The following GPC5 variants were observed in gnomAD, a reference collection of about 807,000 sequenced individuals.
GPC5 encodes glypican 5, also known as glypican-5.
Under a neutral mutation model 53.9 loss-of-function variants are expected in GPC5, and 47 were observed. That is an observed-to-expected ratio of 0.87 (90% CI 0.69 to 1.11). The LOEUF is 1.11. Among genes scored for constraint, GPC5 ranks in the 50% most tolerant of loss-of-function variants. The pLI, the probability that GPC5 is intolerant of heterozygous loss-of-function variation, is 0.00. For synonymous variants in GPC5, 286 were observed against 263.3 expected (o/e 1.09, Z -0.84); for missense variants, 748 against 713.1 (o/e 1.05, Z -0.56).
rs926103065 is a variant in GPC5 at position 91,555,710 on chromosome 13, A to T, written c.325+106788A>T. Among the ~76,000 whole-genome samples the T allele has an allele frequency of 5.3e-5, 8 of 152,070 alleles. No homozygotes were observed. The South Asian group carries it at 1.7e-3, about 31-fold the overall frequency. ...AGAGGTTAAATGGACTCATAGTTCC[A>T]TGTGGCTGGGGAGGCCTCACAATCA... On this transcript the variant is annotated intron_variant, in intron 2 of 7. Coordinates refer to ENST00000377067, the MANE Select transcript of GPC5 (RefSeq NM_004466.6).
intron 6 of GPC5, among the ~76,000 whole-genome samples, chr13:92,056,926 A>G (rs1260011824): frequency 6.6e-6 from 1 of 152,212 alleles, no homozygotes; most frequent in Non-Finnish European, 1.5e-5. Context: ...AACCTCAGTT[A>G]CCTAATAGAA....
At chr13:91,466,512 T>C (rs1882249199) in intron 2 of GPC5, among the ~76,000 whole-genome samples, 1 of 152,154 alleles carries the variant, frequency 6.6e-6, no homozygotes. Flanking sequence ...GTTTAATTGG[T>C]GCTGTTTTAT....
intron 5 of GPC5, among the ~76,000 whole-genome samples, chr13:91,817,004 TA>T: frequency 6.6e-6 from 1 of 152,346 alleles, no homozygotes; most frequent in East Asian, 1.9e-4. Context: ...CTCTCCAGTA[TA>T]AAAAATGTTT....
intron 6 of GPC5, among the ~76,000 whole-genome samples, chr13:92,066,071 G>T (rs2041165115): frequency 6.6e-6 from 1 of 152,030 alleles, no homozygotes; most frequent in African/African-American, 2.4e-5. Context: ...ATTAAATTGG[G>T]AATTCTTTTT....
intron 6 of GPC5, among the ~76,000 whole-genome samples, chr13:92,082,102 A>T (rs140976266): frequency 6.6e-6 from 1 of 152,292 alleles, no homozygotes; most frequent in Non-Finnish European, 1.5e-5. Flanking sequence ...GCATCATTTA[A>T]GCATTTCTCA....
intron 7 of GPC5, among the ~76,000 whole-genome samples, chr13:92,412,758 A>C (rs1210566604): frequency 6.6e-6 from 1 of 152,182 alleles, no homozygotes; most frequent in Non-Finnish European, 1.5e-5. Flanking sequence ...CCCCTGAGTT[A>C]AATAACTTAG....
At chr13:91,721,063 CCCTTTCTTTCTTTCTT>C (rs1469629904) in intron 3 of GPC5, among the ~76,000 whole-genome samples, 2 of 147,304 alleles carry the variant, frequency 1.4e-5, no homozygotes, top group Non-Finnish European at 1.5e-5. Context: ...TTCCTTCCTT[CCCTTTCTTTCTTTCTT>C]TCTTTCTTTC....
At chr13:92,839,897 G>A (rs552107784) in intron 7 of GPC5, among the ~76,000 whole-genome samples, 9 of 151,284 alleles carry the variant, frequency 5.9e-5, no homozygotes, top group Non-Finnish European at 1.0e-4. Flanking sequence ...CTTCACGTTC[G>A]TGGGAACTCC....
chr13:92,370,022 C>T (rs1384950259), intron 7 of GPC5, among the ~76,000 whole-genome samples: 2 of 152,126 alleles, frequency 1.3e-5, no homozygotes, highest in Admixed American at 1.3e-4. Context: ...TAAATTGCTC[C>T]TTCTCTGTTA....
intron 6 of GPC5, among the ~76,000 whole-genome samples, chr13:92,110,441 A>G (rs1275581899): frequency 6.6e-6 from 1 of 152,064 alleles, no homozygotes; most frequent in Non-Finnish European, 1.5e-5. Context: ...TTATTCTATC[A>G]TGGCATATTT....
At chr13:92,070,702 G>A (rs1000054241) in intron 6 of GPC5, among the ~76,000 whole-genome samples, 3 of 152,044 alleles carry the variant, frequency 2.0e-5, no homozygotes, top group South Asian at 2.1e-4. Context: ...AATGCATCTC[G>A]GACCACTTAT....
chr13:91,736,550 A>G (rs2036819441), intron 4 of GPC5, among the ~76,000 whole-genome samples: 1 of 151,272 alleles, frequency 6.6e-6, no homozygotes, highest in Non-Finnish European at 1.5e-5. Context: ...ACAGTTGTTG[A>G]CTTGTTTGGA....
At chr13:92,381,281 A>T (rs2043736774) in intron 7 of GPC5, among the ~76,000 whole-genome samples, 1 of 152,176 alleles carries the variant, frequency 6.6e-6, no homozygotes, top group Non-Finnish European at 1.5e-5. Flanking sequence ...TTTGCAAACT[A>T]CATTTGTTCT....
intron 6 of GPC5, among the ~76,000 whole-genome samples, chr13:92,089,567 T>C (rs1227167473): frequency 2.0e-5 from 3 of 152,242 alleles, no homozygotes; most frequent in African/African-American, 7.2e-5. Flanking sequence ...TATTTTAATA[T>C]CTTATCTTGA....
At chr13:92,056,194 G>A (rs999381136) in intron 6 of GPC5, among the ~76,000 whole-genome samples, 1 of 152,056 alleles carries the variant, frequency 6.6e-6, no homozygotes, top group African/African-American at 2.4e-5. Context: ...TCTCTTCCCT[G>A]CCTTATTCAG....
chr13:92,223,137 C>A (rs1212491448), intron 7 of GPC5, among the ~76,000 whole-genome samples: 2 of 152,040 alleles, frequency 1.3e-5, no homozygotes, highest in Non-Finnish European at 2.9e-5. Flanking sequence ...AAAAAAATGA[C>A]AATTTTCTTT....
chr13:92,399,141 C>G (rs1228291398), intron 7 of GPC5, among the ~76,000 whole-genome samples: 4 of 152,188 alleles, frequency 2.6e-5, no homozygotes, highest in Non-Finnish European at 4.4e-5. Flanking sequence ...CACATGTTTA[C>G]TTGTTTCACA....
At chr13:92,410,421 G>A (rs1203774144) in intron 7 of GPC5, among the ~76,000 whole-genome samples, 2 of 152,188 alleles carry the variant, frequency 1.3e-5, no homozygotes, top group African/African-American at 4.8e-5. Context: ...CACCTGGCAT[G>A]ACTCAGGTAT....
At chr13:91,781,109 CTT>C (rs2037791584) in intron 5 of GPC5, among the ~76,000 whole-genome samples, 1 of 152,154 alleles carries the variant, frequency 6.6e-6, no homozygotes, top group Admixed American at 6.5e-5. Flanking sequence ...AGCTGAGGTG[CTT>C]GTGCACAAGT....
Sources: gnomAD v4.1 joint callset for allele counts (sites outside exome capture counted in the v4.1 genomes callset) on GRCh38, gnomAD v4.1.1 for gene constraint, MANE v1.5 for transcripts, NCBI Gene and HGNC (gene_info 2026-07-23, HGNC 2026-07-21) for gene names.